Variants in ATXN7L1 observed in about 807,000 individuals in gnomAD.
ATXN7L1 encodes the protein ataxin-7-like protein 1.
ATXN7L1 carries 15 observed loss-of-function variants against 70.8 expected under a neutral mutation model. The observed-to-expected ratio is 0.21, with a 90% confidence interval of 0.14 to 0.33. The LOEUF (loss-of-function observed/expected upper bound fraction) is 0.33. Among genes scored for constraint, ATXN7L1 ranks in the 10% least tolerant of loss-of-function variants. The probability of loss-of-function intolerance (pLI) is 1.00; values close to 1 mark genes in which losing one functional copy is unlikely to be tolerated. For synonymous variants in ATXN7L1, 440 were observed against 445.1 expected (o/e 0.99, Z 0.14); for missense variants, 975 against 1,097.1 (o/e 0.89, Z 1.57).
chr7:105,778,149 C>G (rs1802998040), intron 3 of ATXN7L1, among the ~76,000 whole-genome samples: 1 of 151,914 alleles, frequency 6.6e-6, no homozygotes, highest in African/African-American at 2.4e-5. Flanking sequence ...GAATGTAATC[C>G]AAGACATTCA....
chr7:105,752,048 T>C (rs566085545), intron 3 of ATXN7L1, among the ~76,000 whole-genome samples: 3 of 152,390 alleles, frequency 2.0e-5, no homozygotes, highest in South Asian at 4.1e-4. Context: ...TATTGACCTT[T>C]TGCAATAGTA....
rs1457608100 is a variant in ATXN7L1 at position 105,614,725 on chromosome 7, T to G, written c.1609A>C (p.Asn537His). ...VPASVLQPFSNPSAVYLPSAP... is the reference protein window; with the variant it reads ...VPASVLQPFSHPSAVYLPSAP... ...GAAGGAAGATACACAGCACTGGGGT[T>G]GCTGAAAGGCTGCAAAACGGATGCT... Residue 537 changes from asparagine to histidine, a missense_variant, in exon 10 of 12, where the codon AAC becomes CAC. By Grantham distance (68) the Asn-to-His change is moderately conservative. Around this residue, in one of 5 missense-constraint regions of ATXN7L1, gnomAD observed 635 missense variants for 699.4 expected, o/e 0.91. Transcript: ENST00000419735. This position sits in a 1 kb window ranked among gnomAD's most constrained non-coding sequence, Gnocchi z 4.3. 4.6e-5 allele frequency: 72 copies of G among 1,551,614 alleles called. No homozygotes were observed. The highest frequency in any genetic ancestry group is 6.2e-5 in the Non-Finnish European group (71 of 1,147,024).
chr7:105,868,222 C>T (rs147764371), intron 2 of ATXN7L1, among the ~76,000 whole-genome samples: 2,376 of 152,292 alleles, frequency 0.016, 35 homozygotes, highest in East Asian at 0.05. Flanking sequence ...GAGGCCCCCC[C>T]ACCATGACCT....
At position 105,733,645 on chromosome 7, in the gene ATXN7L1, T is replaced by TTCATCCATCCAC. The variant is rs1563049093; in HGVS notation, c.355+54958_355+54959insGTGGATGGATGA. Among the ~76,000 whole-genome samples, 25 of 131,994 alleles carry TTCATCCATCCAC rather than the reference T, an allele frequency of 1.9e-4. 2 individuals are homozygous for TTCATCCATCCAC. The highest frequency in any genetic ancestry group is 2.9e-4 in the Non-Finnish European group (18 of 61,934). The allele number at this position is 131,994 out of a possible 152,430, so 86.6% of individuals were successfully genotyped here. A position where few individuals can be genotyped will look rare whatever the true frequency, so the allele number is the denominator to read the frequency against. On this transcript the variant is annotated intron_variant, in intron 3 of 11. Coordinates refer to ENST00000419735, the MANE Select transcript of ATXN7L1 (RefSeq NM_020725.2). ...ATCCATCCATCCACCCATCCATCCA[T>TTCATCCATCCAC]CCATCCATCCATCCATCCATCCATC... is the stretch of plus-strand genomic sequence containing the variant.
At chr7:105,708,199 C>T (rs1010438333) in intron 3 of ATXN7L1, among the ~76,000 whole-genome samples, 1 of 152,206 alleles carries the variant, frequency 6.6e-6, no homozygotes, top group African/African-American at 2.4e-5. Context: ...GGCCTGCGTA[C>T]TGTTCCGTGT....
chr7:105,733,593 T>TCCACCCAACCAC (rs1796904791), intron 3 of ATXN7L1, among the ~76,000 whole-genome samples: 1 of 122,354 alleles, frequency 8.2e-6, no homozygotes, highest in Non-Finnish European at 1.7e-5. Context: ...CATCCATCCA[T>TCCACCCAACCAC]CCATCCATCC....
At chr7:105,649,549 G>A (rs1799557347) in intron 4 of ATXN7L1, 1 of 987,658 alleles carries the variant, frequency 1.0e-6, no homozygotes, top group Non-Finnish European at 1.2e-6. Context: ...TCCCCTCCCT[G>A]CCCAGTGATG....
At chr7:105,761,683 A>G (rs938822298) in intron 3 of ATXN7L1, among the ~76,000 whole-genome samples, 1 of 152,176 alleles carries the variant, frequency 6.6e-6, no homozygotes, top group South Asian at 2.1e-4. Flanking sequence ...CTCCTAGTAG[A>G]AAGCAGTTTC....
At chr7:105,726,838 C>T (rs1263457220) in intron 3 of ATXN7L1, among the ~76,000 whole-genome samples, 1 of 152,180 alleles carries the variant, frequency 6.6e-6, no homozygotes, top group Admixed American at 6.5e-5. Context: ...TAGCTTCATA[C>T]AGTTGTGGCA....
chr7:105,733,697 TCCATTCATCCATCCAC>T (rs1796977582), intron 3 of ATXN7L1, among the ~76,000 whole-genome samples: 3 of 135,954 alleles, frequency 2.2e-5, no homozygotes, highest in African/African-American at 2.8e-5. Context: ...CACCCATCCA[TCCATTCATCCATCCAC>T]CCATCCATCC....
At position 105,858,624 on chromosome 7, in the gene ATXN7L1, C is replaced by T. The variant is rs575762771; in HGVS notation, c.250+17188G>A. On this transcript the variant is annotated intron_variant, in intron 2 of 11. Transcript: ENST00000419735. ...ATGGGCAGCAGTGGTCACCACCTTA[C>T]GAAGTCATCCATATCTAATAATAGG... 1.1e-4 allele frequency among the ~76,000 whole-genome samples: 16 copies of T among 152,230 alleles called. No homozygotes were observed. The South Asian group carries it at 2.1e-3, about 20-fold the overall frequency.
At chr7:105,780,558 T>C (rs1803378331) in intron 3 of ATXN7L1, among the ~76,000 whole-genome samples, 1 of 152,160 alleles carries the variant, frequency 6.6e-6, no homozygotes, top group South Asian at 2.1e-4. Flanking sequence ...AAACCATTTT[T>C]TTTTTTTTAA....
intron 3 of ATXN7L1, among the ~76,000 whole-genome samples, chr7:105,699,444 T>C (rs1164563426): frequency 6.6e-6 from 1 of 152,220 alleles, no homozygotes; most frequent in Admixed American, 6.5e-5. Flanking sequence ...TCCACTGTAT[T>C]TTGATTTCTT....
chr7:105,647,603 C>G (rs780891237), intron 4 of ATXN7L1, among the ~76,000 whole-genome samples: 1 of 152,238 alleles, frequency 6.6e-6, no homozygotes, highest in African/African-American at 2.4e-5. Context: ...GCTGAGATGG[C>G]GCCATTGCAC....
chr7:105,759,724 T>G (rs1254409766), intron 3 of ATXN7L1, among the ~76,000 whole-genome samples: 1 of 152,106 alleles, frequency 6.6e-6, no homozygotes, highest in Non-Finnish European at 1.5e-5. Context: ...ATAACTAAGG[T>G]TTCTAGGCCT....
chr7:105,617,033 A>ATT lies in ATXN7L1; in HGVS notation c.1518-2219_1518-2218dup, dbSNP rs796539173. Among the ~76,000 whole-genome samples, 263 of 145,180 alleles carry ATT rather than the reference A, an allele frequency of 1.8e-3. 1 individual carries two copies. Among genetic ancestry groups the ATT allele is most frequent in the African/African-American group, 6.1e-3 (245 of 39,848 alleles). On this transcript the variant is annotated intron_variant, in intron 9 of 11. Coordinates refer to ENST00000419735, the MANE Select transcript of ATXN7L1 (RefSeq NM_020725.2). ...ACTTTGAATGGGATCCATTTTTTCC[A>ATT]TTTTTTTTTTTTAGATGGAGTCTTG...
Position 105,610,531 on chromosome 7 carries a change from G to A in ATXN7L1, c.2545C>T (p.Gln849Ter). ...SSISSPGHSRQNTNRTGRIRT... is the reference protein window; with the variant it reads ...SSISSPGHSR Reference sequence around the variant, plus strand: ...CACCCCCACCCTCAGTAACTTACCTGTCGGCTGTGTCCTGGGCTGGATATA... The same window carrying A: ...CACCCCCACCCTCAGTAACTTACCTATCGGCTGTGTCCTGGGCTGGATATA... Residue 849 changes from glutamine (Q) to a stop codon, truncating the protein, a stop_gained and splice_region_variant, in exon 11 of 12, where the codon CAG (glutamine) becomes TAG (stop). Transcript: ENST00000419735. LOFTEE classifies it high-confidence loss of function. 6.5e-7 allele frequency: 1 copy of A among 1,546,154 alleles called. No homozygotes were observed. Among genetic ancestry groups the A allele is most frequent in the Non-Finnish European group, 8.7e-7 (1 of 1,144,402 alleles).
intron 3 of ATXN7L1, among the ~76,000 whole-genome samples, chr7:105,742,776 C>T (rs1424011400): frequency 3.3e-5 from 5 of 152,162 alleles, no homozygotes; most frequent in African/African-American, 1.2e-4. Context: ...TCCAGGGAAG[C>T]TATTTTAATT....
chr7:105,857,926 AC>A (rs1815972316), intron 2 of ATXN7L1, among the ~76,000 whole-genome samples: 1 of 152,032 alleles, frequency 6.6e-6, no homozygotes, highest in Non-Finnish European at 1.5e-5. Context: ...AGATTAGGCT[AC>A]AGGGGGAAAA....
Sources: allele counts gnomAD v4.1 joint callset (sites outside exome capture counted in the v4.1 genomes callset), GRCh38; gene constraint gnomAD v4.1.1; regional missense constraint gnomAD v4.1.1; non-coding constraint Gnocchi (gnomAD v3.1); transcripts MANE v1.5; gene names NCBI Gene and HGNC (gene_info 2026-07-23, HGNC 2026-07-21).